DPH6: variants seen among roughly 807,000 people sequenced by gnomAD.
DPH6 encodes diphthine--ammonia ligase.
Under a neutral mutation model 38.2 loss-of-function variants are expected in DPH6, and 33 were observed. The observed-to-expected ratio is 0.86, with a 90% CI of 0.65 to 1.15. The LOEUF (loss-of-function observed/expected upper bound fraction) is 1.15. DPH6 is among the 50% of genes most tolerant of loss of function. The pLI, the probability that DPH6 is intolerant of heterozygous loss-of-function variation, is 0.00. For synonymous variants in DPH6, 108 were observed against 103.0 expected (o/e 1.05, Z -0.30); for missense variants, 325 against 320.0 (o/e 1.02, Z -0.12).
At chr15:35,366,734 C>A (rs371078892), downstream of DPH6, among the ~76,000 whole-genome samples, 7 of 151,956 alleles carry the variant, frequency 4.6e-5, no homozygotes, top group South Asian at 1.2e-3. Flanking sequence ...TCACCATTTG[C>A]CATGAATCAA....
intron 3 of DPH6, among the ~76,000 whole-genome samples, chr15:35,523,253 T>G (rs1595441237): frequency 1.3e-5 from 2 of 150,760 alleles, no homozygotes; most frequent in South Asian, 4.2e-4. Flanking sequence ...TTTTTTTTTT[T>G]TTTTTTGGTC....
intron 5 of DPH6, among the ~76,000 whole-genome samples, chr15:35,431,433 A>C (rs1006248027): frequency 1.1e-4 from 16 of 152,146 alleles, no homozygotes; most frequent in Admixed American, 5.9e-4. Context: ...CGAGTGATTA[A>C]ATCAGGAAAA....
chr15:35,333,613 G>A (rs1402076660), intron 3 of DPH6, among the ~76,000 whole-genome samples: 1 of 152,106 alleles, frequency 6.6e-6, no homozygotes, highest in Non-Finnish European at 1.5e-5. Flanking sequence ...GAGCGTACCT[G>A]TAAGAAATTA....
chr15:35,483,400 G>A (rs972516505), intron 3 of DPH6, among the ~76,000 whole-genome samples: 1 of 151,442 alleles, frequency 6.6e-6, no homozygotes. Flanking sequence ...GGAGGCAGAG[G>A]TTGCAGTGAG....
At chr15:35,394,010 T>C (rs2053094886) in intron 6 of DPH6, among the ~76,000 whole-genome samples, 1 of 152,178 alleles carries the variant, frequency 6.6e-6, no homozygotes, top group Non-Finnish European at 1.5e-5. Context: ...GTCTCAAATC[T>C]TTTGATTATC....
At chr15:35,398,352 C>T (rs2053173393) in intron 6 of DPH6, among the ~76,000 whole-genome samples, 1 of 152,128 alleles carries the variant, frequency 6.6e-6, no homozygotes, top group Non-Finnish European at 1.5e-5. Context: ...GAACTTATAG[C>T]CCTATCCCCT....
chr15:35,148,298 T>G, the DPH6 span, among the ~76,000 whole-genome samples: 7 of 152,232 alleles, frequency 4.6e-5, no homozygotes, highest in Admixed American at 6.5e-5. Flanking sequence ...GCTCCCCATT[T>G]TAGCTAATTA....
At chr15:35,324,126 T>C (rs146716654) in intron 3 of DPH6, among the ~76,000 whole-genome samples, 2 of 152,222 alleles carry the variant, frequency 1.3e-5, no homozygotes, top group East Asian at 3.9e-4. Flanking sequence ...ATAATAATAG[T>C]ACATAATTCA....
At position 35,417,401 on chromosome 15, in the gene DPH6, G is replaced by A. The variant is rs181353552; in HGVS notation, c.506-6505C>T. On this transcript the variant is annotated intron_variant, in intron 5 of 8. Transcript: ENST00000256538. ...TAGATGATAACACACAAAGATTTCT[G>A]AATGATCCTTCTTAATTGAGAATGG... Among the ~76,000 whole-genome samples the A allele has an allele frequency of 3.6e-4, 54 of 151,938 alleles. No homozygotes were observed. In the East Asian group the frequency reaches 8.3e-3, roughly 23 times the overall value.
intron 6 of DPH6, among the ~76,000 whole-genome samples, chr15:35,390,353 G>A (rs1372626980): frequency 6.6e-6 from 1 of 152,110 alleles, no homozygotes; most frequent in African/African-American, 2.4e-5. Flanking sequence ...TATCTTTGTG[G>A]TGTTCTCTGT....
At chr15:35,183,821 A>G in the DPH6 span, among the ~76,000 whole-genome samples, 1 of 152,256 alleles carries the variant, frequency 6.6e-6, no homozygotes, top group African/African-American at 2.4e-5. Flanking sequence ...ACAATGTTAA[A>G]ATAGAACCAT....
chr15:35,221,155 C>T (rs2051439665), intron 3 of DPH6, among the ~76,000 whole-genome samples: 1 of 152,240 alleles, frequency 6.6e-6, no homozygotes, highest in African/African-American at 2.4e-5. Context: ...CATGTCCTGC[C>T]TCCTGAACAC....
exon 4 of DPH6, chr15:35,219,842 G>A (rs2051431198): frequency 6.6e-6 from 1 of 152,094 alleles, no homozygotes; most frequent in African/African-American, 2.4e-5. Flanking sequence ...ACAAACAATA[G>A]GTAATTTTAT....
At chr15:35,494,489 C>A (rs2054523127) in intron 3 of DPH6, among the ~76,000 whole-genome samples, 1 of 152,060 alleles carries the variant, frequency 6.6e-6, no homozygotes, top group African/African-American at 2.4e-5. Context: ...TAAAATTACT[C>A]AAGTGCTGAT....
intron 3 of DPH6, among the ~76,000 whole-genome samples, chr15:35,254,983 G>A (rs2051698007): frequency 6.6e-6 from 1 of 152,168 alleles, no homozygotes; most frequent in African/African-American, 2.4e-5. Context: ...TCACAATGGT[G>A]GAATGTCATC....
chr15:35,372,318 C>A (rs1489766129), intron 8 of DPH6, 115 bp from the exon 9 acceptor site: 6 of 881,206 alleles, frequency 6.8e-6, no homozygotes, highest in Non-Finnish European at 9.4e-6. Flanking sequence ...ATCTTCGCAG[C>A]CTATTTCAGG....
the DPH6 span, among the ~76,000 whole-genome samples, chr15:35,180,568 C>T: frequency 7.2e-5 from 11 of 152,190 alleles, no homozygotes; most frequent in Admixed American, 1.3e-4. Context: ...CCAAGCGATC[C>T]TCCCACGTCA....
chr15:35,361,260 T>A (rs2052611826), intron 3 of DPH6, among the ~76,000 whole-genome samples: 1 of 152,206 alleles, frequency 6.6e-6, no homozygotes, highest in South Asian at 2.1e-4. Flanking sequence ...TGGATCTCAA[T>A]ACTCCCACAA....
chr15:35,521,272 A>C, intron 3 of DPH6: 1 of 987,054 alleles, frequency 1.0e-6, no homozygotes, highest in Non-Finnish European at 1.2e-6. Flanking sequence ...GCATGTAAAT[A>C]AACAGAAAGC....
Sources: allele counts gnomAD v4.1 joint callset (sites outside exome capture counted in the v4.1 genomes callset), GRCh38; gene constraint gnomAD v4.1.1; transcripts MANE v1.5; gene names NCBI Gene and HGNC (gene_info 2026-07-23, HGNC 2026-07-21).